The following KCNIP4 variants were observed in gnomAD, a reference collection of about 807,000 sequenced individuals.
The protein encoded by KCNIP4 is Kv channel-interacting protein 4.
A neutral mutation model predicts 34.0 loss-of-function variants in KCNIP4; 12 were observed. The ratio of observed to expected loss-of-function variants is 0.35; its 90% CI spans 0.23 to 0.57. The LOEUF is 0.57. Among genes scored for constraint, KCNIP4 ranks in the 20% least tolerant of loss-of-function variants. The probability of loss-of-function intolerance (pLI) is 0.83; values close to 1 mark genes in which losing one functional copy is unlikely to be tolerated. For missense variants in KCNIP4, 238 were observed against 311.7 expected (o/e 0.76, Z 1.78); for synonymous variants, 124 against 102.2 (o/e 1.21, Z -1.29).
intron 1 of KCNIP4, among the ~76,000 whole-genome samples, chr4:21,626,812 CAT>C (rs1265818735): frequency 6.6e-6 from 1 of 152,156 alleles, no homozygotes; most frequent in Non-Finnish European, 1.5e-5. Context: ...CGTTTCTCCA[CAT>C]GATTGGCTGC....
intron 1 of KCNIP4, among the ~76,000 whole-genome samples, chr4:21,312,770 G>A (rs1201525779): frequency 2.6e-5 from 4 of 152,128 alleles, no homozygotes; most frequent in Non-Finnish European, 4.4e-5. Flanking sequence ...AACTTTAGTA[G>A]AGACAGAGGA....
chr4:21,362,519 G>C (rs1719332247), intron 1 of KCNIP4, among the ~76,000 whole-genome samples: 1 of 152,092 alleles, frequency 6.6e-6, no homozygotes, highest in African/African-American at 2.4e-5. Context: ...AGGTAATCTT[G>C]GGTAGAATAC....
At chr4:21,083,370 T>A (rs1192649475) in intron 1 of KCNIP4, among the ~76,000 whole-genome samples, 1 of 151,762 alleles carries the variant, frequency 6.6e-6, no homozygotes, top group African/African-American at 2.4e-5. Context: ...TATGCCTAGG[T>A]ACTAATCCCT....
chr4:21,854,678 T>C (rs1430365371), intron 1 of KCNIP4, among the ~76,000 whole-genome samples: 1 of 152,160 alleles, frequency 6.6e-6, no homozygotes, highest in Non-Finnish European at 1.5e-5. Context: ...TCATCTCTAA[T>C]GTTTGCTAGA....
chr4:21,725,809 A>T (rs541536332), intron 1 of KCNIP4, among the ~76,000 whole-genome samples: 1 of 152,274 alleles, frequency 6.6e-6, no homozygotes, highest in South Asian at 2.1e-4. Flanking sequence ...CAAGAAAAGC[A>T]CCTGGCACAT....
intron 1 of KCNIP4, among the ~76,000 whole-genome samples, chr4:21,745,873 A>G (rs2109136484): frequency 6.6e-6 from 1 of 152,322 alleles, no homozygotes; most frequent in Non-Finnish European, 1.5e-5. Flanking sequence ...GAAAAGCCAT[A>G]AGACCCTAAT....
At chr4:21,368,616 T>C (rs888734564) in intron 1 of KCNIP4, among the ~76,000 whole-genome samples, 1 of 147,264 alleles carries the variant, frequency 6.8e-6, no homozygotes, top group Non-Finnish European at 1.5e-5. Context: ...TGTAGCCAAA[T>C]AGATGTAGGC....
chr4:20,762,445 C>T (rs2149364405), intron 3 of KCNIP4, among the ~76,000 whole-genome samples: 1 of 152,232 alleles, frequency 6.6e-6, no homozygotes, highest in Non-Finnish European at 1.5e-5. Context: ...TTTATTTATT[C>T]CCAGAGATTT....
intron 1 of KCNIP4, among the ~76,000 whole-genome samples, chr4:21,210,199 C>T (rs1757124014): frequency 6.6e-6 from 1 of 152,136 alleles, no homozygotes; most frequent in Non-Finnish European, 1.5e-5. Context: ...AAGACTGTTG[C>T]CTCATTAACA....
intron 1 of KCNIP4, among the ~76,000 whole-genome samples, chr4:21,052,694 A>G (rs115079121): frequency 6.6e-6 from 1 of 152,038 alleles, no homozygotes; most frequent in Non-Finnish European, 1.5e-5. Context: ...GAAAGGTCTA[A>G]CCTCTCAATG....
intron 1 of KCNIP4, among the ~76,000 whole-genome samples, chr4:21,469,772 G>A (rs763647511): frequency 1.3e-5 from 2 of 151,988 alleles, no homozygotes; most frequent in Non-Finnish European, 2.9e-5. Flanking sequence ...GGCCAGGCAC[G>A]TCTGCTCAAA....
intron 1 of KCNIP4, among the ~76,000 whole-genome samples, chr4:20,917,655 G>T (rs959434548): frequency 4.6e-5 from 7 of 152,098 alleles, no homozygotes; most frequent in Non-Finnish European, 1.0e-4. Context: ...AAGATTGAAA[G>T]CACAGTCTAA....
intron 1 of KCNIP4, among the ~76,000 whole-genome samples, chr4:21,830,613 G>T (rs2323127): frequency 0.38 from 57,101 of 151,846 alleles, 11,860 homozygotes; most frequent in East Asian, 0.65. Context: ...GCCAGAGGTT[G>T]CAGTGAACCA....
At chr4:20,735,530 G>GTTTT (rs10542507) in intron 5 of KCNIP4, among the ~76,000 whole-genome samples, 2 of 109,714 alleles carry the variant, frequency 1.8e-5, no homozygotes, top group Non-Finnish European at 3.6e-5. Flanking sequence ...TTTTTTTTTT[G>GTTTT]TTTTTTTTTT....
intron 1 of KCNIP4, among the ~76,000 whole-genome samples, chr4:21,823,843 C>A (rs71607094): frequency 7.2e-5 from 11 of 152,116 alleles, no homozygotes; most frequent in Non-Finnish European, 2.9e-5. Context: ...AAATGACCAC[C>A]GATTTTTCCC....
At chr4:21,471,985 A>T (rs1367129934) in intron 1 of KCNIP4, among the ~76,000 whole-genome samples, 1 of 152,210 alleles carries the variant, frequency 6.6e-6, no homozygotes, top group African/African-American at 2.4e-5. Flanking sequence ...CATGAACTGA[A>T]ATGTATCTGC....
rs7694468 is a variant in KCNIP4 at position 21,092,088 on chromosome 4, G to A, written c.62-209379C>T. Among the ~76,000 whole-genome samples the A allele has an allele frequency of 3.3e-3, 501 of 152,042 alleles. 2 individuals carry two copies. Among genetic ancestry groups the A allele is most frequent in the African/African-American group, 0.011 (457 of 41,470 alleles). On this transcript the variant is annotated intron_variant, in intron 1 of 8. Transcript: ENST00000382152. ...AAACTTCTGCAATGTCTACTATCAC[G>A]AGCTTCCTCTCTATTCCAGTTCCCA...
chr4:20,870,218 G>T (rs557477951), intron 2 of KCNIP4, among the ~76,000 whole-genome samples: 76 of 152,122 alleles, frequency 5.0e-4, no homozygotes, highest in African/African-American at 1.7e-3. Flanking sequence ...GGTGGGAGGT[G>T]ACTGGATCAT....
chr4:21,264,539 T>C (rs554383240), intron 1 of KCNIP4, among the ~76,000 whole-genome samples: 7 of 152,142 alleles, frequency 4.6e-5, no homozygotes, highest in Non-Finnish European at 1.0e-4. Context: ...TGTGCCACAT[T>C]TATTCCTGTG....
Sources: allele counts gnomAD v4.1 joint callset (sites outside exome capture counted in the v4.1 genomes callset), GRCh38; gene constraint gnomAD v4.1.1; transcripts MANE v1.5; gene names NCBI Gene and HGNC (gene_info 2026-07-23, HGNC 2026-07-21).